COX10: variants seen among roughly 807,000 people sequenced by gnomAD.
COX10 encodes the protein protoheme IX farnesyltransferase, mitochondrial.
In COX10, 27 loss-of-function variants were observed where a neutral mutation model predicts 37.3. The observed-to-expected ratio is 0.72, with a 90% CI of 0.53 to 1.00. COX10 has a LOEUF of 1.00. Ranked by LOEUF, COX10 falls within the 50% of genes least tolerant of loss-of-function variation. COX10 has a pLI of 0.00. For synonymous variants in COX10, 222 were observed against 229.1 expected, an observed-to-expected ratio of 0.97 and a Z score of 0.28; for missense variants, 475 against 563.2, an observed-to-expected ratio of 0.84 and a Z score of 1.59.
intron 5 of COX10, among the ~76,000 whole-genome samples, chr17:14,164,952 T>G (rs909233045): frequency 1.3e-5 from 2 of 152,218 alleles, no homozygotes; most frequent in Non-Finnish European, 2.9e-5. Flanking sequence ...TGGGTTTGCC[T>G]AGGTCAGTCC....
Position 14,074,457 on chromosome 17 carries a change from G to C in COX10, c.177+1G>C. 1.2e-6 allele frequency: 2 copies of C among 1,610,280 alleles called. No individual in the cohort carries two copies. Among genetic ancestry groups the C allele is most frequent in the Non-Finnish European group, 1.7e-6 (2 of 1,179,038 alleles). On this transcript the variant is annotated splice_donor_variant, in intron 2 of 6. Transcript: ENST00000261643. LOFTEE classifies it high-confidence loss of function. ...GCACTTTAGCTTCCTCAAACGCATG[G>C]TATGTTTAGAAGACCATTCTTACTC...
chr17:14,133,184 C>T (rs1255486306), intron 4 of COX10, among the ~76,000 whole-genome samples: 1 of 151,596 alleles, frequency 6.6e-6, no homozygotes, highest in Non-Finnish European at 1.5e-5. Flanking sequence ...AATAAGTCAA[C>T]TGTGATTGTA....
chr17:14,096,837 T>C (rs1052311039), intron 3 of COX10, among the ~76,000 whole-genome samples: 9 of 152,154 alleles, frequency 5.9e-5, no homozygotes, highest in African/African-American at 2.2e-4. Context: ...GGGCTGCTAC[T>C]GGATCTCTTT....
intron 6 of COX10, among the ~76,000 whole-genome samples, chr17:14,196,017 A>G (rs1441010686): frequency 1.3e-5 from 2 of 152,140 alleles, no homozygotes; most frequent in African/African-American, 4.8e-5. Flanking sequence ...CTTAGGGGAC[A>G]TGTATAGTTA....
At chr17:14,143,454 T>C (rs1904609663) in intron 4 of COX10, among the ~76,000 whole-genome samples, 1 of 152,146 alleles carries the variant, frequency 6.6e-6, no homozygotes, top group Non-Finnish European at 1.5e-5. Context: ...AAATGGGCAG[T>C]AGAGCAATTT....
At chr17:14,169,675 G>A (rs918750397) in intron 5 of COX10, among the ~76,000 whole-genome samples, 1 of 152,196 alleles carries the variant, frequency 6.6e-6, no homozygotes, top group Non-Finnish European at 1.5e-5. Context: ...GTTGTAATGA[G>A]GGAGTTAGAT....
intron 5 of COX10, among the ~76,000 whole-genome samples, chr17:14,164,643 C>A (rs542039538): frequency 6.6e-6 from 1 of 152,190 alleles, no homozygotes; most frequent in African/African-American, 2.4e-5. Context: ...AAATAAACAA[C>A]GGGTTTCTAA....
intron 3 of COX10, among the ~76,000 whole-genome samples, chr17:14,088,764 A>G (rs569276933): frequency 5.3e-5 from 8 of 152,328 alleles, no homozygotes; most frequent in African/African-American, 1.7e-4. Flanking sequence ...GAGTCTGTAG[A>G]TGGTGCTTAA....
At chr17:14,134,515 A>G (rs1201901237) in intron 4 of COX10, among the ~76,000 whole-genome samples, 1 of 151,836 alleles carries the variant, frequency 6.6e-6, no homozygotes, top group East Asian at 1.9e-4. Flanking sequence ...AGCACAGAAT[A>G]ACTCTGTAAG....
intron 5 of COX10, among the ~76,000 whole-genome samples, chr17:14,189,901 G>A (rs1321122461): frequency 6.6e-6 from 1 of 152,094 alleles, no homozygotes; most frequent in Non-Finnish European, 1.5e-5. Context: ...TATTACCTTG[G>A]GGGAAATATG....
chr17:14,117,100 A>G (rs1916131545), intron 4 of COX10, among the ~76,000 whole-genome samples: 1 of 152,196 alleles, frequency 6.6e-6, no homozygotes, highest in African/African-American at 2.4e-5. Flanking sequence ...AGTTGTCAGT[A>G]TTGTTCTGTC....
At chr17:14,184,841 T>A (rs1470143545) in intron 5 of COX10, among the ~76,000 whole-genome samples, 7 of 150,656 alleles carry the variant, frequency 4.6e-5, no homozygotes. Flanking sequence ...CAGCATCACA[T>A]TGGTAATGGT....
chr17:14,120,209 T>C (rs533304014), intron 4 of COX10, among the ~76,000 whole-genome samples: 15 of 152,286 alleles, frequency 9.8e-5, no homozygotes, highest in African/African-American at 3.1e-4. Flanking sequence ...CATGTTGACT[T>C]TGAGGTGCCC....
Position 14,069,629 on chromosome 17 carries a change from C to G in COX10, c.24C>G (p.Leu8=), listed in dbSNP as rs780287622. MAASPHT[L]SSRLLTGCVG... is the part of the protein sequence containing the mutation. ...TTATGGCCGCATCTCCGCACACTCT[C>G]TCCTCACGCCTCCTGACAGGTACTG... The change falls in exon 1 of 7, where the codon CTC becomes CTG. Residue 8 remains leucine, a synonymous_variant. Coordinates refer to ENST00000261643, the MANE Select transcript of COX10 (RefSeq NM_001303.4). 1.2e-6 allele frequency: 2 copies of G among 1,614,080 alleles called. No homozygotes were observed. Among genetic ancestry groups the G allele is most frequent in the Non-Finnish European group, 1.7e-6 (2 of 1,180,000 alleles).
At position 14,143,510 on chromosome 17, in the gene COX10, C is replaced by A. The variant is rs544928802; in HGVS notation, c.625-16367C>A. Among the ~76,000 whole-genome samples the A allele has an allele frequency of 3.6e-4, 55 of 152,242 alleles. No individual in the cohort carries two copies. In the South Asian group the frequency reaches 0.011, roughly 30 times the overall value. On this transcript the variant is annotated intron_variant, in intron 4 of 6. Coordinates refer to ENST00000261643, the MANE Select transcript of COX10 (RefSeq NM_001303.4). Reference sequence around the variant, plus strand: ...ATAATTGCTTGTACTCCCAACACAGCATCTCAGAGATGGAACAAACAGAGT... The same window carrying A: ...ATAATTGCTTGTACTCCCAACACAGAATCTCAGAGATGGAACAAACAGAGT...
intron 4 of COX10, among the ~76,000 whole-genome samples, chr17:14,153,439 A>G (rs1475692720): frequency 6.6e-6 from 1 of 152,230 alleles, no homozygotes; most frequent in Non-Finnish European, 1.5e-5. Context: ...AAAAAGTTTG[A>G]TTCATGTATA....
At chr17:14,130,028 G>C (rs1026662389) in intron 4 of COX10, among the ~76,000 whole-genome samples, 5 of 152,164 alleles carry the variant, frequency 3.3e-5, no homozygotes, top group African/African-American at 1.2e-4. Context: ...CTTCCTGGGA[G>C]AATGTAGTGA....
chr17:14,172,228 G>A lies in COX10; in HGVS notation c.695+12281G>A, dbSNP rs768848702. Among the ~76,000 whole-genome samples, 35 of 152,208 alleles carry A rather than the reference G, an allele frequency of 2.3e-4. 1 individual carries two copies. Among genetic ancestry groups the A allele is most frequent in the Admixed American group, 4.6e-4 (7 of 15,278 alleles). ...AAGTACTATAATAAACATGAGTACA[G>A]GTATCTTTTTGATTAATGTTGATTT... On this transcript the variant is annotated intron_variant, in intron 5 of 6. Coordinates refer to ENST00000261643, the MANE Select transcript of COX10 (RefSeq NM_001303.4).
At chr17:14,172,205 GTAC>G (rs1192475688) in intron 5 of COX10, among the ~76,000 whole-genome samples, 1 of 152,100 alleles carries the variant, frequency 6.6e-6, no homozygotes, top group African/African-American at 2.4e-5. Flanking sequence ...GTGATGAAAA[GTAC>G]TATAATAAAC....
Sources: allele counts gnomAD v4.1 joint callset (sites outside exome capture counted in the v4.1 genomes callset), GRCh38; gene constraint gnomAD v4.1.1; transcripts MANE v1.5; gene names NCBI Gene and HGNC (gene_info 2026-07-23, HGNC 2026-07-21).